Variants in NECAB3 observed in about 807,000 individuals in gnomAD.
NECAB3 encodes N-terminal EF-hand calcium-binding protein 3.
NECAB3 carries 38 observed loss-of-function variants against 57.2 expected under a neutral mutation model. That is an observed-to-expected ratio of 0.66 (90% CI 0.51 to 0.87). NECAB3 has a LOEUF of 0.87. NECAB3 is among the 40% of genes least tolerant of loss of function. The pLI, the probability that NECAB3 is intolerant of heterozygous loss-of-function variation, is 0.00. For synonymous variants in NECAB3, 223 were observed against 222.6 expected, an observed-to-expected ratio of 1.00 and a Z score of -0.02; for missense variants, 474 against 527.5, an observed-to-expected ratio of 0.90 and a Z score of 0.99.
At chr20:33,667,548 G>A in intron 5 of NECAB3, 1 of 1,548,776 alleles carries the variant, frequency 6.5e-7, no homozygotes, top group Non-Finnish European at 8.7e-7. Context: ...CGTTCAGCGG[G>A]CTGGCCGTGG....
At chr20:33,668,298 G>T in intron 5 of NECAB3, 1 of 1,525,448 alleles carries the variant, frequency 6.6e-7, no homozygotes, top group Non-Finnish European at 8.8e-7. Flanking sequence ...AAAGAGTCAA[G>T]TGTTTGGAGC....
intron 5 of NECAB3, chr20:33,667,045 A>G (rs566807970): frequency 6.1e-4 from 99 of 161,612 alleles, no homozygotes; most frequent in Non-Finnish European, 1.2e-3. Context: ...GGCGCGGAGG[A>G]GCGGAGCCTT....
chr20:33,659,908 C>T lies in NECAB3; in HGVS notation c.620G>A (p.Trp207Ter), dbSNP rs1281791816. The change falls in exon 7 of 12, where the codon TGG becomes TAG. Residue 207 changes from tryptophan to a stop codon, truncating the protein, a stop_gained. Coordinates refer to ENST00000246190, the MANE Select transcript of NECAB3 (RefSeq NM_031232.4). LOFTEE classifies it high-confidence loss of function. ...ACCTGTGTCAGAAGAGCCGGGGGAC[C>T]AGGTGGATGACCGGCTGACACTCCT... Reference protein sequence around the residue: ...ALRSVSRSSTWSPGSSDTGRS... With the variant: ...ALRSVSRSST 1 of 1,547,436 alleles carries T rather than the reference C, an allele frequency of 6.5e-7. No homozygotes were observed. The highest frequency in any genetic ancestry group is 8.7e-7 in the Non-Finnish European group (1 of 1,148,152).
intron 5 of NECAB3, chr20:33,663,400 AGAG>A: frequency 1.0e-6 from 1 of 975,004 alleles, no homozygotes; most frequent in Admixed American, 2.7e-5. Context: ...CCTGTGCACG[AGAG>A]GATGACAGGA....
chr20:33,674,533 G>C (rs1568905673), upstream of NECAB3: 1 of 492,998 alleles, frequency 2.0e-6, no homozygotes, highest in Non-Finnish European at 2.7e-6. Flanking sequence ...CCAGCGCCGC[G>C]GGCCTCCGCG....
Position 33,657,928 on chromosome 20 carries a change from G to T in NECAB3, c.1162+14C>A. 1.3e-6 allele frequency: 2 copies of T among 1,553,248 alleles called. No individual in the cohort carries two copies. The highest frequency in any genetic ancestry group is 1.4e-5 in the African/African-American group (1 of 73,268). ...CCCCTCCAGGGCCACAGTGAGTGGGGGTCCACCGCATACCTGGGAAGAACA... is the reference window on the plus strand; with the variant it reads ...CCCCTCCAGGGCCACAGTGAGTGGGTGTCCACCGCATACCTGGGAAGAACA... On this transcript the variant is annotated intron_variant, in intron 11 of 11. Transcript: ENST00000246190.
chr20:33,658,011 T>C lies in NECAB3; in HGVS notation c.1093A>G (p.Lys365Glu). ...TCGATGAGGATGCGCTGGAAGGCCT[T>C]GCTGCCAGGCGACTGCTGGTGCCTG... ...WRRHQQSPGS[K>E]AFQRILIDHL... Residue 365 changes from lysine (K) to glutamate (E), a missense_variant, in exon 11 of 12, where the codon AAG (lysine) becomes GAG (glutamate). Coordinates refer to ENST00000246190, the MANE Select transcript of NECAB3 (RefSeq NM_031232.4). The C allele has an allele frequency of 6.4e-7, 1 of 1,553,050 alleles. No homozygotes were observed. Among genetic ancestry groups the C allele is most frequent in the Non-Finnish European group, 8.7e-7 (1 of 1,148,134 alleles).
intron 5 of NECAB3, chr20:33,667,693 G>C: frequency 6.2e-7 from 1 of 1,612,060 alleles, no homozygotes; most frequent in Non-Finnish European, 8.5e-7. Context: ...GGCGAACCCT[G>C]ACCTCTTGCA....
At chr20:33,668,270 G>C (rs1346058556) in intron 5 of NECAB3, 25 of 1,549,716 alleles carry the variant, frequency 1.6e-5, no homozygotes, top group Non-Finnish European at 2.2e-5. Flanking sequence ...CACTGCGTTG[G>C]GGGACAGCTC....
At chr20:33,672,279 T>G in intron 2 of NECAB3, 119 bp downstream of exon 2, 1 of 1,209,390 alleles carries the variant, frequency 8.3e-7, no homozygotes, top group Non-Finnish European at 1.2e-6. Context: ...TTCTCCTGTT[T>G]TGGGCCCCCA....
At chr20:33,659,825 G>C in intron 7 of NECAB3, 60 bp downstream of exon 7, 1 of 1,532,496 alleles carries the variant, frequency 6.5e-7, no homozygotes, top group Admixed American at 2.0e-5. Context: ...AGCGGGCCCT[G>C]GGGGAAGGGG....
At chr20:33,666,097 A>T (rs773685218) in intron 5 of NECAB3, among the ~76,000 whole-genome samples, 33 of 152,088 alleles carry the variant, frequency 2.2e-4, no homozygotes, top group East Asian at 1.2e-3. Flanking sequence ...ATAATAATAA[A>T]AAAAAGAACT....
chr20:33,660,128 C>G lies in NECAB3; in HGVS notation c.525-125G>C. ...CAAAGCCAGTCTCATTTCACCCCGC[C>G]ATGGCTACCCTGCCATGGCTTCCCC... is the stretch of plus-strand genomic sequence containing the variant. On this transcript the variant is annotated intron_variant, in intron 6 of 11. Coordinates refer to ENST00000246190, the MANE Select transcript of NECAB3 (RefSeq NM_031232.4). The surrounding 1 kb of genome is among the most constrained non-coding windows in gnomAD (Gnocchi z 4.1). The G allele has an allele frequency of 6.5e-7, 1 of 1,526,800 alleles. No individual in the cohort carries two copies. The allele number at this position is 1,526,800 out of a possible 1,614,324, so 94.6% of individuals were successfully genotyped here.
chr20:33,667,360 C>A, intron 5 of NECAB3: 4 of 1,146,562 alleles, frequency 3.5e-6, no homozygotes, highest in Non-Finnish European at 4.5e-6. Context: ...GCTGTGGGAG[C>A]GCCTGCTGGT....
chr20:33,658,634 C>T, intron 9 of NECAB3, 80 bp from the exon 10 acceptor site: 1 of 1,600,730 alleles, frequency 6.2e-7, no homozygotes, highest in Non-Finnish European at 8.6e-7. Context: ...TCATGGGAAC[C>T]CTGACCCACC....
intron 5 of NECAB3, chr20:33,668,220 C>T (rs377626038): frequency 1.1e-4 from 179 of 1,595,514 alleles, no homozygotes; most frequent in Middle Eastern, 1.7e-4. Flanking sequence ...GGCTGCTGTA[C>T]GATGTGTTCA....
chr20:33,659,408 G>A (rs2122455376), intron 8 of NECAB3, 89 bp downstream of exon 8: 1 of 1,204,492 alleles, frequency 8.3e-7, no homozygotes, highest in East Asian at 2.6e-5. Flanking sequence ...CACTGCAGAG[G>A]GTTGGTGGGC....
Position 33,660,344 on chromosome 20 carries a change from G to T in NECAB3, c.439C>A (p.Arg147=). ...VDQFVTRFLL[R]ETVSQLQALQ... ...GCTTGCAGCTGGCTCACCGTCTCCC[G>T]CAGCAGGAAGCGCGTCACAAACTGG... The change falls in exon 6 of 12, where the codon CGG becomes AGG. Residue 147 remains arginine (R), a synonymous_variant. Transcript: ENST00000246190. The surrounding 1 kb of genome is among the most constrained non-coding windows in gnomAD (Gnocchi z 4.1). The T allele has an allele frequency of 6.8e-6, 11 of 1,613,526 alleles. No individual in the cohort carries two copies. Among genetic ancestry groups the T allele is most frequent in the Non-Finnish European group, 9.3e-6 (11 of 1,179,984 alleles).
intron 5 of NECAB3, chr20:33,664,098 C>T: frequency 2.1e-6 from 1 of 465,902 alleles, no homozygotes; most frequent in Non-Finnish European, 3.7e-6. Flanking sequence ...CCAAACCTTG[C>T]TACAGTGGCG....
Sources: allele counts gnomAD v4.1 joint callset (sites outside exome capture counted in the v4.1 genomes callset), GRCh38; gene constraint gnomAD v4.1.1; non-coding constraint Gnocchi (gnomAD v3.1); transcripts MANE v1.5; gene names NCBI Gene and HGNC (gene_info 2026-07-23, HGNC 2026-07-21).